CEP70: variants seen among roughly 807,000 people sequenced by gnomAD.
CEP70 encodes centrosomal protein 70.
CEP70 carries 70 observed loss-of-function variants against 90.9 expected under a neutral mutation model. That is an observed-to-expected ratio of 0.77 (90% CI 0.64 to 0.94). CEP70 has a LOEUF of 0.94. CEP70 is among the 40% of genes least tolerant of loss of function. The pLI is 0.00. For synonymous variants in CEP70, 220 were observed against 228.3 expected, an observed-to-expected ratio of 0.96 and a Z score of 0.33; for missense variants, 648 against 669.0, an observed-to-expected ratio of 0.97 and a Z score of 0.35.
intron 11 of CEP70, among the ~76,000 whole-genome samples, chr3:138,523,571 T>C (rs1369813153): frequency 6.6e-6 from 1 of 152,070 alleles, no homozygotes; most frequent in African/African-American, 2.4e-5. Flanking sequence ...AGCATTCTTA[T>C]ACACCAATAA....
In CEP70 at chr3:138,529,518, CTAAT is replaced by C. The variant is rs370767718; in HGVS notation, c.693-60_693-57del. ...AAAAATCTATCTTCAAAGAAAAAAA[CTAAT>C]TAAACCAATGTAATGAGGGTTTAAT... On this transcript the variant is annotated intron_variant, in intron 8 of 17. Transcript: ENST00000264982. The C allele has an allele frequency of 1.2e-4, 125 of 1,013,246 alleles. No individual in the cohort carries two copies. The African/African-American group carries it at 1.5e-3, about 12-fold the overall frequency. The allele number at this position is 1,013,246 out of a possible 1,614,324, so 62.8% of individuals were successfully genotyped here. A position where few individuals can be genotyped will look rare whatever the true frequency, so the allele number is the denominator to read the frequency against.
intron 6 of CEP70, among the ~76,000 whole-genome samples, chr3:138,543,270 A>C (rs990941276): frequency 2.6e-5 from 4 of 152,146 alleles, no homozygotes; most frequent in African/African-American, 9.7e-5. Flanking sequence ...GGCCCATGCC[A>C]AGCTGCCCTC....
At chr3:138,545,758 G>A (rs1016141523) in intron 6 of CEP70, among the ~76,000 whole-genome samples, 1 of 152,106 alleles carries the variant, frequency 6.6e-6, no homozygotes, top group South Asian at 2.1e-4. Flanking sequence ...GCCGCTCTGG[G>A]AGTGTCTGTC....
intron 6 of CEP70, among the ~76,000 whole-genome samples, chr3:138,539,212 A>G (rs909086710): frequency 6.6e-6 from 1 of 152,108 alleles, no homozygotes; most frequent in Non-Finnish European, 1.5e-5. Flanking sequence ...TAGTAGAGAC[A>G]AGGTTTCACC....
At chr3:138,575,347 G>A (rs1225548037) in intron 2 of CEP70, among the ~76,000 whole-genome samples, 8 of 152,144 alleles carry the variant, frequency 5.3e-5, no homozygotes, top group Admixed American at 5.2e-4. Flanking sequence ...GGCAGAAAGG[G>A]TATCAGTGAT....
At chr3:138,528,486 C>T (rs1043879664) in intron 10 of CEP70, among the ~76,000 whole-genome samples, 1 of 152,140 alleles carries the variant, frequency 6.6e-6, no homozygotes, top group African/African-American at 2.4e-5. Flanking sequence ...ATATTATGTA[C>T]TCATGATTAG....
At chr3:138,569,324 T>A (rs185270172) in intron 6 of CEP70, among the ~76,000 whole-genome samples, 18 of 152,300 alleles carry the variant, frequency 1.2e-4, no homozygotes, top group Non-Finnish European at 2.1e-4. Flanking sequence ...TGAACTCACA[T>A]ATGCAAACGT....
At chr3:138,529,791 AG>A (rs1436454319) in intron 8 of CEP70, among the ~76,000 whole-genome samples, 1 of 152,194 alleles carries the variant, frequency 6.6e-6, no homozygotes, top group East Asian at 1.9e-4. Context: ...AACGAAACAT[AG>A]GTGGAACATC....
chr3:138,525,505 A>C lies in CEP70; in HGVS notation c.929T>G (p.Leu310Arg). Reference sequence around the variant, plus strand: ...ATATAATTACTTGACGTTTTTCTTAAGGGCTTTTTCCAGCTTCTTCACCTG... The same window carrying C: ...ATATAATTACTTGACGTTTTTCTTACGGGCTTTTTCCAGCTTCTTCACCTG... ...KQQVKKLEKALKKNVKLQELI... is the reference protein window; with the variant it reads ...KQQVKKLEKARKKNVKLQELI... Residue 310 changes from leucine to arginine, a missense_variant, in exon 11 of 18, where the codon CTT (leucine) becomes CGT (arginine). Transcript: ENST00000264982. 7.1e-7 allele frequency: 1 copy of C among 1,410,192 alleles called. No homozygotes were observed. The highest frequency in any genetic ancestry group is 9.3e-7 in the Non-Finnish European group (1 of 1,072,166). 87.4% of individuals were successfully genotyped at this position (1,410,192 alleles called of 1,614,324 possible). A position where few individuals can be genotyped will look rare whatever the true frequency, so the allele number is the denominator to read the frequency against.
intron 12 of CEP70, among the ~76,000 whole-genome samples, chr3:138,506,736 T>C (rs1482939158): frequency 6.6e-6 from 1 of 152,170 alleles, no homozygotes; most frequent in Non-Finnish European, 1.5e-5. Context: ...AATTGATGTA[T>C]GTATATTTGT....
intron 2 of CEP70, among the ~76,000 whole-genome samples, chr3:138,588,795 G>A (rs931940629): frequency 6.6e-6 from 1 of 152,216 alleles, no homozygotes; most frequent in Non-Finnish European, 1.5e-5. Flanking sequence ...GTTCGTAAGA[G>A]CTTTATCTAT....
chr3:138,574,082 G>C (rs2041355807), intron 2 of CEP70, among the ~76,000 whole-genome samples: 1 of 152,144 alleles, frequency 6.6e-6, no homozygotes, highest in Non-Finnish European at 1.5e-5. Flanking sequence ...TCATCTCGTT[G>C]GGACTGGTTG....
At chr3:138,550,073 GC>G in intron 6 of CEP70, among the ~76,000 whole-genome samples, 1 of 152,236 alleles carries the variant, frequency 6.6e-6, no homozygotes, top group East Asian at 1.9e-4. Flanking sequence ...GCAGCCTTGA[GC>G]CCCAGACCTT....
At chr3:138,503,850 G>A (rs968937936) in intron 13 of CEP70, among the ~76,000 whole-genome samples, 4 of 151,930 alleles carry the variant, frequency 2.6e-5, no homozygotes, top group Non-Finnish European at 5.9e-5. Flanking sequence ...AACTTCAACC[G>A]GTAATCTATT....
chr3:138,519,204 G>C (rs1013933961), intron 11 of CEP70, among the ~76,000 whole-genome samples: 3 of 152,202 alleles, frequency 2.0e-5, no homozygotes, highest in Admixed American at 6.5e-5. Flanking sequence ...ATCTACGTCT[G>C]ATTGATGTAC....
At chr3:138,570,056 A>C (rs956978473) in intron 6 of CEP70, among the ~76,000 whole-genome samples, 1 of 152,138 alleles carries the variant, frequency 6.6e-6, no homozygotes, top group Non-Finnish European at 1.5e-5. Context: ...GAAAAGATCT[A>C]AGGACTGAGC....
chr3:138,524,112 C>G (rs1345899380), intron 11 of CEP70, among the ~76,000 whole-genome samples: 54 of 145,506 alleles, frequency 3.7e-4, no homozygotes, highest in African/African-American at 1.3e-3. Flanking sequence ...CTGACAAAAA[C>G]AAGAAATGGG....
At chr3:138,592,639 G>A (rs1045137077) in intron 1 of CEP70, among the ~76,000 whole-genome samples, 5 of 152,078 alleles carry the variant, frequency 3.3e-5, no homozygotes, top group African/African-American at 9.7e-5. Context: ...AAACATAATT[G>A]CATCTTCTGG....
chr3:138,573,362 A>T (rs2041309410), intron 2 of CEP70, among the ~76,000 whole-genome samples: 1 of 151,520 alleles, frequency 6.6e-6, no homozygotes, highest in African/African-American at 2.4e-5. Context: ...AACCCAACAT[A>T]TTGCAACTGG....
Sources: gnomAD v4.1 joint callset for allele counts (sites outside exome capture counted in the v4.1 genomes callset) on GRCh38, gnomAD v4.1.1 for gene constraint, MANE v1.5 for transcripts, NCBI Gene and HGNC (gene_info 2026-07-23, HGNC 2026-07-21) for gene names.